RNF144A: variants seen among roughly 807,000 people sequenced by gnomAD.
RNF144A encodes E3 ubiquitin-protein ligase RNF144A.
In RNF144A, 11 loss-of-function variants were observed where a neutral mutation model predicts 38.7. The ratio of observed to expected loss-of-function variants is 0.28; its 90% CI spans 0.18 to 0.47. The LOEUF (loss-of-function observed/expected upper bound fraction) is 0.47. Ranked by LOEUF, RNF144A falls within the 20% of genes least tolerant of loss-of-function variation. RNF144A has a pLI of 0.99. For synonymous variants in RNF144A, 149 were observed against 143.9 expected (o/e 1.04, Z -0.25); for missense variants, 316 against 377.2 (o/e 0.84, Z 1.34).
At chr2:6,973,869 A>C (rs183991926) in intron 2 of RNF144A, among the ~76,000 whole-genome samples, 22 of 152,290 alleles carry the variant, frequency 1.4e-4, no homozygotes, top group Admixed American at 1.3e-3. Context: ...AGCATCAGAG[A>C]GGTCTTTTCT....
intron 2 of RNF144A, among the ~76,000 whole-genome samples, chr2:6,964,063 G>GA (rs60966755): frequency 0.034 from 5,043 of 149,432 alleles, 274 homozygotes; most frequent in African/African-American, 0.12. Context: ...AGCAGAGATG[G>GA]AAAAAAAAAC....
chr2:6,989,795 T>C (rs555103611), intron 2 of RNF144A, among the ~76,000 whole-genome samples: 1 of 152,276 alleles, frequency 6.6e-6, no homozygotes, highest in South Asian at 2.1e-4. Context: ...CAGTAACCAC[T>C]GATCTGTTTG....
Position 7,039,880 on chromosome 2 carries a change from C to T in RNF144A, c.*120C>T, listed in dbSNP as rs867058180. On this transcript the variant is annotated 3_prime_UTR_variant, in exon 9 of 9. Coordinates refer to ENST00000320892, the MANE Select transcript of RNF144A (RefSeq NM_014746.6). ...GCCTTATGTGCCCCATTGAGCTTCA[C>T]AGTGTCAGGCTGGACGCCGTGATTT... 23 of 1,472,908 alleles carry T rather than the reference C, an allele frequency of 1.6e-5. No individual in the cohort carries two copies. The highest frequency in any genetic ancestry group is 2.5e-4 in the Middle Eastern group (1 of 3,958). The allele number at this position is 1,472,908 out of a possible 1,614,324, so 91.2% of individuals were successfully genotyped here.
rs551433617 is a variant in RNF144A, at chr2:7,033,048, C to T, written c.747+2833C>T. Among the ~76,000 whole-genome samples, 10 of 152,348 alleles carry T rather than the reference C, an allele frequency of 6.6e-5. No homozygotes were observed. In the East Asian group the frequency reaches 1.5e-3, roughly 24 times the overall value. ...ACTGAGTCAGAGCTTGGTGAGAACTCGGAAACCATTGCCCAACTCTGGCAG... is the reference window on the plus strand; with the variant it reads ...ACTGAGTCAGAGCTTGGTGAGAACTTGGAAACCATTGCCCAACTCTGGCAG... On this transcript the variant is annotated intron_variant, in intron 8 of 8. Coordinates refer to ENST00000320892, the MANE Select transcript of RNF144A (RefSeq NM_014746.6).
intron 3 of RNF144A, among the ~76,000 whole-genome samples, chr2:7,006,046 T>C (rs1670421182): frequency 6.6e-6 from 1 of 152,004 alleles, no homozygotes; most frequent in South Asian, 2.1e-4. Context: ...GAAAAGCATT[T>C]TTTCCTCGTG....
At chr2:6,963,278 G>A (rs1263074707) in intron 2 of RNF144A, among the ~76,000 whole-genome samples, 1 of 152,184 alleles carries the variant, frequency 6.6e-6, no homozygotes, top group East Asian at 1.9e-4. Context: ...TCCGTTTGGA[G>A]GTAGGTGAAT....
chr2:6,919,324 C>A (rs1022171761), intron 1 of RNF144A, among the ~76,000 whole-genome samples: 4 of 152,334 alleles, frequency 2.6e-5, no homozygotes, highest in Admixed American at 2.6e-4. Context: ...AGACAACAGC[C>A]TTTTTTATTG....
chr2:6,942,685 G>A (rs1250876144), intron 2 of RNF144A, among the ~76,000 whole-genome samples: 1 of 152,176 alleles, frequency 6.6e-6, no homozygotes, highest in East Asian at 1.9e-4. Flanking sequence ...AGGTTTGGGT[G>A]CAAAAAGGGA....
chr2:7,009,812 G>A (rs998631107), intron 3 of RNF144A, among the ~76,000 whole-genome samples: 7 of 152,172 alleles, frequency 4.6e-5, no homozygotes, highest in African/African-American at 1.7e-4. Flanking sequence ...GGCTTGTATG[G>A]CCCTGCGGTG....
chr2:6,981,120 T>A (rs887567046), intron 2 of RNF144A, among the ~76,000 whole-genome samples: 1 of 152,170 alleles, frequency 6.6e-6, no homozygotes, highest in Non-Finnish European at 1.5e-5. Flanking sequence ...AACCATTTTT[T>A]CCTTCTACAC....
intron 3 of RNF144A, among the ~76,000 whole-genome samples, chr2:7,011,849 G>A (rs1181142373): frequency 2.6e-5 from 4 of 152,166 alleles, no homozygotes; most frequent in East Asian, 3.8e-4. Context: ...CGCTTGGAAC[G>A]TCATCTCTCT....
At chr2:6,995,996 C>T (rs1233879190) in intron 2 of RNF144A, among the ~76,000 whole-genome samples, 1 of 152,196 alleles carries the variant, frequency 6.6e-6, no homozygotes, top group Non-Finnish European at 1.5e-5. Flanking sequence ...GTGGATGAGC[C>T]AGCTGAGGCT....
intron 3 of RNF144A, among the ~76,000 whole-genome samples, chr2:7,006,558 G>T (rs979195556): frequency 1.3e-5 from 2 of 151,910 alleles, no homozygotes; most frequent in South Asian, 4.2e-4. Context: ...TTGTGGCCCC[G>T]CTACCCCAAC....
chr2:6,945,385 C>G (rs926313371), intron 2 of RNF144A, among the ~76,000 whole-genome samples: 1 of 152,204 alleles, frequency 6.6e-6, no homozygotes, highest in Admixed American at 6.5e-5. Context: ...TTACAGTTTT[C>G]TGGGGTTTGT....
At position 6,962,161 on chromosome 2, in the gene RNF144A, G is replaced by A. The variant is rs114900963; in HGVS notation, c.-12+21014G>A. ...GGGGAATGATACCTGGTCTACATAGGGAGCTAAAGACTGGTTATGCCAGGT... is the reference window on the plus strand; with the variant it reads ...GGGGAATGATACCTGGTCTACATAGAGAGCTAAAGACTGGTTATGCCAGGT... On this transcript the variant is annotated intron_variant, in intron 2 of 8. Coordinates refer to ENST00000320892, the MANE Select transcript of RNF144A (RefSeq NM_014746.6). The surrounding 1 kb of genome is among the most constrained non-coding windows in gnomAD (Gnocchi z 4.1). 3.0e-3 allele frequency among the ~76,000 whole-genome samples: 460 copies of A among 152,322 alleles called. 3 individuals are homozygous for A. The highest frequency in any genetic ancestry group is 0.011 in the African/African-American group (444 of 41,562).
chr2:6,981,989 G>GGA (rs371562289), intron 2 of RNF144A, among the ~76,000 whole-genome samples: 5 of 152,264 alleles, frequency 3.3e-5, no homozygotes, highest in Middle Eastern at 3.4e-3. Flanking sequence ...CAAGGCGGCA[G>GGA]GAGAGAGAGA....
At chr2:6,954,420 G>A (rs1223499096) in intron 2 of RNF144A, among the ~76,000 whole-genome samples, 7 of 152,128 alleles carry the variant, frequency 4.6e-5, no homozygotes, top group Non-Finnish European at 8.8e-5. Flanking sequence ...TTAGAATTCT[G>A]TAGTCCACTT....
intron 6 of RNF144A, among the ~76,000 whole-genome samples, chr2:7,066,648 A>G (rs1447579902): frequency 6.6e-6 from 1 of 152,262 alleles, no homozygotes; most frequent in East Asian, 1.9e-4. Flanking sequence ...ATCTTCAGAT[A>G]TGACGACTTT....
At chr2:6,937,227 T>C (rs916260995) in intron 1 of RNF144A, among the ~76,000 whole-genome samples, 1 of 152,156 alleles carries the variant, frequency 6.6e-6, no homozygotes, top group Non-Finnish European at 1.5e-5. Flanking sequence ...AAAATATGGA[T>C]GACAAACAAC....
Sources: allele counts gnomAD v4.1 joint callset (sites outside exome capture counted in the v4.1 genomes callset), GRCh38; gene constraint gnomAD v4.1.1; non-coding constraint Gnocchi (gnomAD v3.1); transcripts MANE v1.5; gene names NCBI Gene and HGNC (gene_info 2026-07-23, HGNC 2026-07-21).